Variants in POU2F3 observed in about 807,000 individuals in gnomAD.
POU2F3 encodes POU domain, class 2, transcription factor 3.
Under a neutral mutation model 59.2 loss-of-function variants are expected in POU2F3, and 23 were observed. The ratio of observed to expected loss-of-function variants is 0.39; its 90% CI spans 0.28 to 0.55. The LOEUF is 0.55. POU2F3 is among the 20% of genes least tolerant of loss of function. The pLI is 0.66. For synonymous variants in POU2F3, 190 were observed against 214.6 expected, an observed-to-expected ratio of 0.89 and a Z score of 1.00; for missense variants, 473 against 544.5, an observed-to-expected ratio of 0.87 and a Z score of 1.31.
intron 2 of POU2F3, among the ~76,000 whole-genome samples, chr11:120,266,398 C>T (rs2135185956): frequency 6.6e-6 from 1 of 152,280 alleles, no homozygotes; most frequent in East Asian, 1.9e-4. Context: ...TTCCTCTTCT[C>T]TTACCCCTGC....
At chr11:120,287,753 A>G (rs1022031983) in intron 3 of POU2F3, among the ~76,000 whole-genome samples, 13 of 152,220 alleles carry the variant, frequency 8.5e-5, no homozygotes, top group Admixed American at 7.8e-4. Flanking sequence ...ATACAAATTA[A>G]GCCAAAGCAC....
chr11:120,295,175 G>C (rs958841077), intron 3 of POU2F3, among the ~76,000 whole-genome samples: 1 of 152,160 alleles, frequency 6.6e-6, no homozygotes, highest in Non-Finnish European at 1.5e-5. Context: ...TGATGGCGCT[G>C]GTTTCTGAAA....
chr11:120,249,204 C>T (rs755733372), intron 2 of POU2F3, among the ~76,000 whole-genome samples: 11 of 152,182 alleles, frequency 7.2e-5, no homozygotes, highest in South Asian at 2.1e-4. Flanking sequence ...AAGCTGCCCA[C>T]GAGCTCAGAA....
chr11:120,247,153 T>C (rs1938910550), intron 2 of POU2F3, among the ~76,000 whole-genome samples: 2 of 152,194 alleles, frequency 1.3e-5, no homozygotes, highest in African/African-American at 4.8e-5. Flanking sequence ...TAGCTCTCTA[T>C]TTTTACCTCC....
chr11:120,305,814 G>T, intron 8 of POU2F3, 29 bp downstream of exon 8: 2 of 1,610,988 alleles, frequency 1.2e-6, no homozygotes, highest in Non-Finnish European at 1.7e-6. Flanking sequence ...GATGCCAGGG[G>T]CCCTAGAGGG....
At chr11:120,255,270 C>T (rs1007654397) in intron 2 of POU2F3, among the ~76,000 whole-genome samples, 1 of 152,166 alleles carries the variant, frequency 6.6e-6, no homozygotes, top group Non-Finnish European at 1.5e-5. Flanking sequence ...CCCCACTGGG[C>T]ACCTCAGCTG....
intron 6 of POU2F3, chr11:120,302,674 G>C (rs902960975): frequency 1.2e-5 from 4 of 320,074 alleles, no homozygotes; most frequent in African/African-American, 8.5e-5. Flanking sequence ...TGAGAGCCAG[G>C]CTCAGCTCAC....
Position 120,298,384 on chromosome 11 carries a change from A to G in POU2F3, c.252A>G (p.Pro84=). Residue 84 remains proline (P), a synonymous_variant, in exon 4 of 13, where the codon CCA becomes CCG. Transcript: ENST00000543440. ...GNQMSGLNAS[P]CQDMASLHPL... ...AAATGTCTGGGCTAAATGCCAGCCCATGTCAGGTAACACTGTGATTTTCAC... is the reference window on the plus strand; with the variant it reads ...AAATGTCTGGGCTAAATGCCAGCCCGTGTCAGGTAACACTGTGATTTTCAC... The G allele has an allele frequency of 6.2e-7, 1 of 1,613,552 alleles. No homozygotes were observed. Among genetic ancestry groups the G allele is most frequent in the South Asian group, 1.1e-5 (1 of 90,934 alleles).
intron 2 of POU2F3, among the ~76,000 whole-genome samples, chr11:120,263,282 G>A (rs139074704): frequency 6.2e-4 from 94 of 152,236 alleles, no homozygotes; most frequent in Admixed American, 1.4e-3. Context: ...GACCCACCGC[G>A]CCCAGCCTAC....
intron 3 of POU2F3, among the ~76,000 whole-genome samples, chr11:120,280,632 A>AAAGAG (rs113919238): frequency 2.9e-5 from 4 of 139,552 alleles, no homozygotes; most frequent in Non-Finnish European, 4.7e-5. Flanking sequence ...GAGAGAGAAA[A>AAAGAG]AGAGAGAGAG....
Position 120,299,621 on chromosome 11 carries a change from T to C in POU2F3, c.259-3T>C. On this transcript the variant is annotated splice_region_variant and splice_polypyrimidine_tract_variant and intron_variant, in intron 4 of 12. Transcript: ENST00000543440. ...TGGTGTATGTGTATCTCTCCGTGTG[T>C]AGGACATGGCTTCCCTCCATCCGCT... 3 of 1,612,966 alleles carry C rather than the reference T, an allele frequency of 1.9e-6. No homozygotes were observed. The highest frequency in any genetic ancestry group is 2.2e-5 in the East Asian group (1 of 44,876).
At chr11:120,311,064 G>A (rs1206914617) in intron 10 of POU2F3, among the ~76,000 whole-genome samples, 1 of 152,156 alleles carries the variant, frequency 6.6e-6, no homozygotes, top group Non-Finnish European at 1.5e-5. Flanking sequence ...CCAGGGGAAA[G>A]TACAAGGGCT....
At chr11:120,261,990 A>G (rs1198268716) in intron 2 of POU2F3, among the ~76,000 whole-genome samples, 1 of 152,184 alleles carries the variant, frequency 6.6e-6, no homozygotes, top group Non-Finnish European at 1.5e-5. Flanking sequence ...GTTCTTCCTT[A>G]TGCTGAAAGG....
chr11:120,304,339 A>AAAAAAAAAAAAAGAAGAAG (rs368735249), intron 6 of POU2F3: 1 of 141,784 alleles, frequency 7.1e-6, no homozygotes, highest in East Asian at 2.4e-4. Context: ...TCAAAAAAAA[A>AAAAAAAAAAAAAGAAGAAG]AAGAAGAAGA....
At chr11:120,295,686 C>T (rs530602302) in intron 3 of POU2F3, among the ~76,000 whole-genome samples, 29 of 152,286 alleles carry the variant, frequency 1.9e-4, no homozygotes, top group Non-Finnish European at 4.1e-4. Context: ...ACTAGGACAC[C>T]AGAGTTTCTT....
Position 120,318,864 on chromosome 11 carries a change from GA to G in POU2F3, c.*474del, listed in dbSNP as rs1254617548. 6.5e-6 allele frequency: 1 copy of G among 154,528 alleles called. No homozygotes were observed. Among genetic ancestry groups the G allele is most frequent in the African/African-American group, 2.4e-5 (1 of 41,516 alleles). The allele number at this position is 154,528 out of a possible 1,614,324, so 9.6% of individuals were successfully genotyped here. A position where few individuals can be genotyped will look rare whatever the true frequency, so the allele number is the denominator to read the frequency against. On this transcript the variant is annotated 3_prime_UTR_variant, in exon 13 of 13. Transcript: ENST00000543440. ...GATCCCAAAATCTGTGAAAAGATTT[GA>G]ATCTGATATCTCCACCAAAGCCTTG...
Position 120,307,410 on chromosome 11 carries a change from C to G in POU2F3, c.770-69C>G, listed in dbSNP as rs1454933877. On this transcript the variant is annotated intron_variant, in intron 8 of 12. Transcript: ENST00000543440. ...CCCATCGGGAAGGGTTGTTGGACCT[C>G]AGATCCATGAAGGCACCGGCCACTC... 7 of 1,563,372 alleles carry G rather than the reference C, an allele frequency of 4.5e-6. No homozygotes were observed. The East Asian group carries it at 1.6e-4, about 35-fold the overall frequency.
At chr11:120,306,729 G>T (rs925061861) in intron 8 of POU2F3, among the ~76,000 whole-genome samples, 1 of 152,162 alleles carries the variant, frequency 6.6e-6, no homozygotes, top group African/African-American at 2.4e-5. Flanking sequence ...GGGAGAAAAG[G>T]GTGGGGCAGC....
chr11:120,240,079 G>A (rs960600015), upstream of POU2F3: 18 of 1,119,110 alleles, frequency 1.6e-5, no homozygotes, highest in Admixed American at 5.5e-4. Context: ...GGCCAGGCGC[G>A]GGGCTCCTGC....
Sources: gnomAD v4.1 joint callset for allele counts (sites outside exome capture counted in the v4.1 genomes callset) on GRCh38, gnomAD v4.1.1 for gene constraint, MANE v1.5 for transcripts, NCBI Gene and HGNC (gene_info 2026-07-23, HGNC 2026-07-21) for gene names.